The following PHF24 variants were observed in gnomAD, a reference collection of about 807,000 sequenced individuals.
PHF24 encodes Galpha inhibitory interacting protein.
A neutral mutation model predicts 42.6 loss-of-function variants in PHF24; 25 were observed. That is an observed-to-expected ratio of 0.59 (90% CI 0.43 to 0.82). PHF24 has a LOEUF of 0.82. Among genes scored for constraint, PHF24 ranks in the 40% least tolerant of loss-of-function variants. The probability of loss-of-function intolerance (pLI) is 0.00; values close to 1 mark genes in which losing one functional copy is unlikely to be tolerated. For synonymous variants in PHF24, 185 were observed against 204.8 expected (o/e 0.90, Z 0.83); for missense variants, 470 against 538.1 (o/e 0.87, Z 1.25).
the PHF24 span, among the ~76,000 whole-genome samples, chr9:34,680,018 G>C: frequency 6.6e-6 from 1 of 152,320 alleles, no homozygotes; most frequent in East Asian, 1.9e-4. Flanking sequence ...CAGGAGCTGT[G>C]AGATAATAAA....
the PHF24 span, among the ~76,000 whole-genome samples, chr9:34,823,055 G>C: frequency 2.0e-5 from 3 of 151,456 alleles, no homozygotes; most frequent in African/African-American, 7.3e-5. Flanking sequence ...AATTAGCCGG[G>C]CGCGGTGGCG....
the PHF24 span, among the ~76,000 whole-genome samples, chr9:34,882,450 A>G: frequency 2.0e-5 from 3 of 152,326 alleles, no homozygotes; most frequent in South Asian, 6.2e-4. Context: ...ACATGATTGT[A>G]TATTTAGAAA....
the PHF24 span, among the ~76,000 whole-genome samples, chr9:34,768,602 C>T: frequency 6.6e-6 from 1 of 152,276 alleles, no homozygotes; most frequent in Non-Finnish European, 1.5e-5. Flanking sequence ...AAATTTAGCA[C>T]TGTGCCTGGC....
the PHF24 span, among the ~76,000 whole-genome samples, chr9:34,735,662 G>C: frequency 2.9e-4 from 44 of 150,402 alleles, no homozygotes; most frequent in Admixed American, 1.1e-3. Flanking sequence ...AGCTGGGCGC[G>C]GTGGCAGATG....
chr9:34,669,709 TC>T, the PHF24 span, among the ~76,000 whole-genome samples: 1 of 152,100 alleles, frequency 6.6e-6, no homozygotes, highest in African/African-American at 2.4e-5. Context: ...TTCAGAAACT[TC>T]CTTCCCTAAT....
the PHF24 span, among the ~76,000 whole-genome samples, chr9:34,671,350 A>G: frequency 6.6e-6 from 1 of 152,196 alleles, no homozygotes; most frequent in African/African-American, 2.4e-5. Context: ...AAATGGATTT[A>G]TTACTCTCAG....
chr9:34,740,822 G>A, the PHF24 span, among the ~76,000 whole-genome samples: 1 of 152,030 alleles, frequency 6.6e-6, no homozygotes, highest in Non-Finnish European at 1.5e-5. Flanking sequence ...AAAAGGATGA[G>A]GTAGATACAT....
At chr9:34,676,297 G>A in the PHF24 span, among the ~76,000 whole-genome samples, 1 of 152,212 alleles carries the variant, frequency 6.6e-6, no homozygotes, top group African/African-American at 2.4e-5. Context: ...GCCAAGGCAG[G>A]TGGATCACTT....
At chr9:34,922,195 C>G in the PHF24 span, 1 of 1,589,200 alleles carries the variant, frequency 6.3e-7, no homozygotes, top group Non-Finnish European at 8.6e-7. Flanking sequence ...TAATTTTCCC[C>G]TCCTTCTCCT....
At chr9:34,951,399 A>G in the PHF24 span, among the ~76,000 whole-genome samples, 1 of 152,222 alleles carries the variant, frequency 6.6e-6, no homozygotes, top group South Asian at 2.1e-4. Flanking sequence ...ATTCTGGATT[A>G]TACAGTGGGC....
the PHF24 span, among the ~76,000 whole-genome samples, chr9:34,699,531 C>T: frequency 6.6e-6 from 1 of 152,210 alleles, no homozygotes; most frequent in Non-Finnish European, 1.5e-5. Context: ...TTTCCATTAA[C>T]CCTTTTTGAG....
At chr9:34,827,509 G>A in the PHF24 span, among the ~76,000 whole-genome samples, 2 of 150,596 alleles carry the variant, frequency 1.3e-5, no homozygotes, top group Non-Finnish European at 3.0e-5. Context: ...TGGACACATT[G>A]TGCTAAATGC....
At chr9:34,795,554 T>G in the PHF24 span, among the ~76,000 whole-genome samples, 1 of 152,182 alleles carries the variant, frequency 6.6e-6, no homozygotes, top group Non-Finnish European at 1.5e-5. Context: ...ATGGAAATAT[T>G]ATAGATTTTT....
At chr9:34,786,279 A>G in the PHF24 span, among the ~76,000 whole-genome samples, 2,993 of 152,354 alleles carry the variant, frequency 0.02, 104 homozygotes, top group African/African-American at 0.066. Flanking sequence ...TAAATTAATT[A>G]TCAAGTACAC....
the PHF24 span, chr9:34,729,164 A>T: frequency 1.6e-6 from 2 of 1,217,826 alleles, no homozygotes; most frequent in African/African-American, 1.5e-5. Context: ...AAAGTATTAC[A>T]CAAAGGTAAC....
At chr9:34,841,693 AC>A in the PHF24 span, among the ~76,000 whole-genome samples, 3 of 152,090 alleles carry the variant, frequency 2.0e-5, no homozygotes, top group Non-Finnish European at 4.4e-5. Flanking sequence ...CCCTGTCTCT[AC>A]TAAAAATACA....
chr9:34,908,796 ATCT>A, the PHF24 span, among the ~76,000 whole-genome samples: 1 of 149,478 alleles, frequency 6.7e-6, no homozygotes, highest in East Asian at 2.0e-4. Context: ...TTCTTTCTCA[ATCT>A]TATTTTATCT....
At chr9:34,892,828 G>GTCTGCACC in the PHF24 span, 1 of 688,602 alleles carries the variant, frequency 1.5e-6, no homozygotes, top group Non-Finnish European at 2.7e-6. Context: ...CTTGGACGCT[G>GTCTGCACC]TCTGCACCAG....
chr9:34,922,304 T>G, the PHF24 span: 1 of 1,592,050 alleles, frequency 6.3e-7, no homozygotes, highest in Non-Finnish European at 8.6e-7. Context: ...ACTCTTCACT[T>G]AATGTATCAA....
Sources: allele counts gnomAD v4.1 joint callset (sites outside exome capture counted in the v4.1 genomes callset), GRCh38; gene constraint gnomAD v4.1.1; transcripts MANE v1.5; gene names NCBI Gene and HGNC (gene_info 2026-07-23, HGNC 2026-07-21).